Variants in FBXW11 observed in about 807,000 individuals in gnomAD.
FBXW11 encodes the protein F-box and WD repeat domain containing 11.
FBXW11 carries 19 observed loss-of-function variants against 77.6 expected under a neutral mutation model. The ratio of observed to expected loss-of-function variants is 0.24; its 90% CI spans 0.17 to 0.36. The LOEUF (loss-of-function observed/expected upper bound fraction) is 0.36, where lower values mean the gene tolerates loss of function less well. Ranked by LOEUF, FBXW11 falls within the 10% of genes least tolerant of loss-of-function variation. The pLI is 1.00. For synonymous variants in FBXW11, 235 were observed against 249.4 expected, an observed-to-expected ratio of 0.94 and a Z score of 0.54; for missense variants, 334 against 704.2, an observed-to-expected ratio of 0.47 and a Z score of 5.95.
chr5:171,884,432 G>A (rs1388525843), intron 7 of FBXW11, among the ~76,000 whole-genome samples: 1 of 152,102 alleles, frequency 6.6e-6, no homozygotes, highest in Non-Finnish European at 1.5e-5. Flanking sequence ...ATGCTGTTTT[G>A]GTGACTATAA....
At chr5:171,927,088 G>A (rs558610213) in intron 2 of FBXW11, among the ~76,000 whole-genome samples, 2 of 152,136 alleles carry the variant, frequency 1.3e-5, no homozygotes, top group East Asian at 3.9e-4. Context: ...GCTTTTAGAA[G>A]AAGCCATAGG....
intron 2 of FBXW11, among the ~76,000 whole-genome samples, chr5:171,929,549 A>G (rs912564920): frequency 6.6e-6 from 1 of 152,142 alleles, no homozygotes. Flanking sequence ...TGCTGAATCT[A>G]CAAAATAAAA....
intron 1 of FBXW11, among the ~76,000 whole-genome samples, chr5:171,972,646 G>A (rs1764602840): frequency 6.6e-6 from 1 of 150,946 alleles, no homozygotes; most frequent in South Asian, 2.1e-4. Flanking sequence ...CTGGCTTCAA[G>A]TGATTCTCCT....
chr5:171,962,780 TCA>T (rs1201957525), intron 1 of FBXW11, among the ~76,000 whole-genome samples: 1 of 152,200 alleles, frequency 6.6e-6, no homozygotes, highest in African/African-American at 2.4e-5. Context: ...CTTGAAGAAC[TCA>T]CAAAAGCTAA....
Position 171,904,859 on chromosome 5 carries a change from C to T in FBXW11, c.437-4759G>A, listed in dbSNP as rs755656116. Among the ~76,000 whole-genome samples the T allele has an allele frequency of 2.6e-4, 40 of 152,134 alleles. No homozygotes were observed. The highest frequency in any genetic ancestry group is 4.6e-4 in the Admixed American group (7 of 15,290). On this transcript the variant is annotated intron_variant, in intron 4 of 13. Coordinates refer to ENST00000517395, the MANE Select transcript of FBXW11 (RefSeq NM_001378974.1). This position sits in a 1 kb window ranked among gnomAD's most constrained non-coding sequence, Gnocchi z 4.0. ...TGCTGGGATTACAGGTGTGAGCCAC[C>T]GTGCCCAGCCAGGAATCTGTATTTT...
Position 171,905,715 on chromosome 5 carries a change from G to A in FBXW11, c.436+4857C>T, listed in dbSNP as rs1329305551. Among the ~76,000 whole-genome samples the A allele has an allele frequency of 2.6e-5, 4 of 151,606 alleles. No homozygotes were observed. The Admixed American group carries it at 2.6e-4, about 10-fold the overall frequency. On this transcript the variant is annotated intron_variant, in intron 4 of 13. Coordinates refer to ENST00000517395, the MANE Select transcript of FBXW11 (RefSeq NM_001378974.1). ...CACCCTCAGGAGCCATGCAGAGCAT[G>A]TAACTTTCTGGTTTCAAGCCTATTC...
chr5:171,940,616 G>A (rs936043965), intron 2 of FBXW11, among the ~76,000 whole-genome samples: 7 of 152,162 alleles, frequency 4.6e-5, no homozygotes, highest in Admixed American at 4.6e-4. Context: ...CAGGCTGGGT[G>A]CGGTGGCTCA....
At chr5:171,976,641 C>T (rs918334897) in intron 1 of FBXW11, among the ~76,000 whole-genome samples, 3 of 152,130 alleles carry the variant, frequency 2.0e-5, no homozygotes, top group Admixed American at 1.3e-4. Flanking sequence ...CTCTATCAAG[C>T]AAAGCTCTCT....
chr5:171,880,674 T>C (rs928385970), intron 7 of FBXW11, among the ~76,000 whole-genome samples: 40 of 152,228 alleles, frequency 2.6e-4, no homozygotes, highest in Admixed American at 1.4e-3. Flanking sequence ...AAGTATTTCA[T>C]TGGTGGGGGA....
intron 1 of FBXW11, among the ~76,000 whole-genome samples, chr5:171,977,322 A>AC (rs991931621): frequency 6.6e-6 from 1 of 151,844 alleles, no homozygotes; most frequent in Non-Finnish European, 1.5e-5. Flanking sequence ...AAAAAAAAAA[A>AC]AAAGAAAGAA....
intron 13 of FBXW11, among the ~76,000 whole-genome samples, chr5:171,866,270 GA>G (rs10706150): frequency 0.1 from 13,896 of 132,942 alleles, 1,997 homozygotes; most frequent in African/African-American, 0.34. Flanking sequence ...GTCTCAAAGG[GA>G]AAAAAAAAAA....
At chr5:171,933,867 AC>A (rs1274608163) in intron 2 of FBXW11, among the ~76,000 whole-genome samples, 1 of 152,170 alleles carries the variant, frequency 6.6e-6, no homozygotes, top group East Asian at 1.9e-4. Context: ...AAAAAACTAT[AC>A]AGGGAAAAGT....
intron 6 of FBXW11, among the ~76,000 whole-genome samples, chr5:171,892,884 T>C (rs1759449035): frequency 6.6e-6 from 1 of 152,208 alleles, no homozygotes; most frequent in South Asian, 2.1e-4. Flanking sequence ...TCTAATTATT[T>C]GCTTTGTTGA....
chr5:171,905,064 A>C (rs1015694528), intron 4 of FBXW11, among the ~76,000 whole-genome samples: 5 of 152,182 alleles, frequency 3.3e-5, no homozygotes, highest in African/African-American at 1.2e-4. Flanking sequence ...CATCAGTCCA[A>C]TTAAGCAACA....
intron 1 of FBXW11, among the ~76,000 whole-genome samples, chr5:171,997,778 A>C (rs1766150812): frequency 6.6e-6 from 1 of 152,206 alleles, no homozygotes; most frequent in African/African-American, 2.4e-5. Context: ...ATTAGACTGC[A>C]AATTCTAAAC....
rs542201947 is a variant in FBXW11 at position 171,984,068 on chromosome 5, GTA to G, written c.45+22388_45+22389del. 2.2e-3 allele frequency among the ~76,000 whole-genome samples: 339 copies of G among 151,288 alleles called. 2 individuals are homozygous for G. Among genetic ancestry groups the G allele is most frequent in the African/African-American group, 8.2e-3 (337 of 41,312 alleles). ...TGAGTGGGGGAACAAAACCACAAGA[GTA>G]TATACTCTATAATCCTATTTACATA... On this transcript the variant is annotated intron_variant, in intron 1 of 13. Coordinates refer to ENST00000517395, the MANE Select transcript of FBXW11 (RefSeq NM_001378974.1).
intron 1 of FBXW11, among the ~76,000 whole-genome samples, chr5:171,985,498 C>T (rs1479621465): frequency 1.3e-5 from 2 of 152,028 alleles, no homozygotes; most frequent in Non-Finnish European, 2.9e-5. Flanking sequence ...GTGGCTCACA[C>T]CTATAATCCT....
chr5:171,869,645 C>T lies in FBXW11; in HGVS notation c.1530+84G>A. ...GCATCTTGTGAGACACACAAGCGTT[C>T]CTGTGATACACCTAGACAGGACTAT... is the stretch of plus-strand genomic sequence containing the variant. On this transcript the variant is annotated intron_variant, in intron 12 of 13. Transcript: ENST00000517395. This position sits in a 1 kb window ranked among gnomAD's most constrained non-coding sequence, Gnocchi z 4.1. The T allele has an allele frequency of 1.0e-6, 1 of 986,846 alleles. No homozygotes were observed. Among genetic ancestry groups the T allele is most frequent in the Non-Finnish European group, 1.5e-6 (1 of 685,920 alleles). 61.1% of individuals were successfully genotyped at this position (986,846 alleles called of 1,614,324 possible). A position where few individuals can be genotyped will look rare whatever the true frequency, so the allele number is the denominator to read the frequency against.
At chr5:171,912,711 A>T (rs140942378) in intron 3 of FBXW11, among the ~76,000 whole-genome samples, 8 of 152,178 alleles carry the variant, frequency 5.3e-5, no homozygotes, top group Admixed American at 5.2e-4. Context: ...GTTCGAGACC[A>T]CTCTGGCCAA....
Sources: allele counts gnomAD v4.1 joint callset (sites outside exome capture counted in the v4.1 genomes callset), GRCh38; gene constraint gnomAD v4.1.1; non-coding constraint Gnocchi (gnomAD v3.1); transcripts MANE v1.5; gene names NCBI Gene and HGNC (gene_info 2026-07-23, HGNC 2026-07-21).